Variants in CMC1 observed in about 807,000 individuals in gnomAD.
CMC1 encodes COX assembly mitochondrial protein homolog.
A neutral mutation model predicts 14.1 loss-of-function variants in CMC1; 14 were observed. The observed-to-expected ratio is 0.99, with a 90% CI of 0.66 to 1.55. The LOEUF is 1.55. CMC1 is among the 40% of genes most tolerant of loss of function. The pLI is 0.00. For missense variants in CMC1, 127 were observed against 123.8 expected (o/e 1.03, Z -0.12); for synonymous variants, 50 against 38.4 (o/e 1.30, Z -1.12).
chr3:28,300,874 T>C (rs893479601), intron 2 of CMC1, among the ~76,000 whole-genome samples: 3 of 151,608 alleles, frequency 2.0e-5, no homozygotes, highest in African/African-American at 7.3e-5. Flanking sequence ...TTATCAGTTT[T>C]CTTACATATT....
chr3:28,319,606 C>T lies in CMC1; in HGVS notation c.298C>T (p.Gln100Ter), dbSNP rs752588536. ...KTGIPTKKRL[Q>*]KLPTSM Reference sequence around the variant, plus strand: ...TGGAATTCCTACAAAGAAAAGGCTACAGAAGCTTCCAACAAGCATGTAGGC... The same window carrying T: ...TGGAATTCCTACAAAGAAAAGGCTATAGAAGCTTCCAACAAGCATGTAGGC... The change falls in exon 4 of 4, where the codon CAG becomes TAG. Residue 100 changes from glutamine to a stop codon, truncating the protein, a stop_gained. Coordinates refer to ENST00000466830, the MANE Select transcript of CMC1 (RefSeq NM_182523.2). LOFTEE classifies it high-confidence loss of function. The T allele has an allele frequency of 1.2e-6, 2 of 1,607,338 alleles. No individual in the cohort carries two copies. Among genetic ancestry groups the T allele is most frequent in the Non-Finnish European group, 8.5e-7 (1 of 1,176,598 alleles).
chr3:28,241,859 C>G, intron 1 of CMC1, 47 bp downstream of exon 1: 1 of 1,234,840 alleles, frequency 8.1e-7, no homozygotes, highest in Non-Finnish European at 1.0e-6. Context: ...CGCCCCGGGT[C>G]TCACGCCGCG....
rs1292902701 is a variant in CMC1, at chr3:28,320,274, C to T, written c.*645C>T. The T allele has an allele frequency of 1.3e-5, 2 of 151,464 alleles. No individual in the cohort carries two copies. Among genetic ancestry groups the T allele is most frequent in the Non-Finnish European group, 3.0e-5 (2 of 67,668 alleles). 9.4% of individuals were successfully genotyped at this position (151,464 alleles called of 1,614,324 possible). A position where few individuals can be genotyped will look rare whatever the true frequency, so the allele number is the denominator to read the frequency against. Reference sequence around the variant, plus strand: ...GTTGCTATGGGAGAATACCCAAGACCAGGTAATTTATAAGAAAAGTTTGTT... The same window carrying T: ...GTTGCTATGGGAGAATACCCAAGACTAGGTAATTTATAAGAAAAGTTTGTT... On this transcript the variant is annotated 3_prime_UTR_variant, in exon 4 of 4. Transcript: ENST00000466830.
At chr3:28,285,969 G>A (rs1701157542) in intron 2 of CMC1, among the ~76,000 whole-genome samples, 2 of 152,066 alleles carry the variant, frequency 1.3e-5, no homozygotes, top group South Asian at 4.1e-4. Context: ...GTTTCACTGT[G>A]TTAGCCAGAA....
At position 28,274,212 on chromosome 3, in the gene CMC1, G is replaced by GTTTTTTTTTTTTTTTT. The variant is rs376321066; in HGVS notation, c.109+10839_109+10840insTTTTTTTTTTTTTTTT. Among the ~76,000 whole-genome samples, 32 of 88,152 alleles carry GTTTTTTTTTTTTTTTT rather than the reference G, an allele frequency of 3.6e-4. 1 individual carries two copies. Among genetic ancestry groups the GTTTTTTTTTTTTTTTT allele is most frequent in the African/African-American group, 9.7e-4 (20 of 20,670 alleles). The allele number at this position is 88,152 out of a possible 152,430, so 57.8% of individuals were successfully genotyped here. A position where few individuals can be genotyped will look rare whatever the true frequency, so the allele number is the denominator to read the frequency against. On this transcript the variant is annotated intron_variant, in intron 2 of 3. Coordinates refer to ENST00000466830, the MANE Select transcript of CMC1 (RefSeq NM_182523.2). The stretch of plus-strand genomic sequence containing the variant: ...TTGGTCTTTGTACTAAAGTGTTTTT[G>GTTTTTTTTTTTTTTTT]TTTTTTTCTTTTTTTTTTTTTTTGC...
In CMC1 at chr3:28,320,453, A is replaced by G. The variant is rs988445492; in HGVS notation, c.*824A>G. 2.9e-4 allele frequency: 44 copies of G among 151,510 alleles called. No homozygotes were observed. The highest frequency in any genetic ancestry group is 1.1e-3 in the African/African-American group (44 of 41,350). 9.4% of individuals were successfully genotyped at this position (151,510 alleles called of 1,614,324 possible). ...CTCTTGAGAACTAATACCTGTAATA[A>G]TGGCATAAATCCATTCACGAGGGCT... On this transcript the variant is annotated 3_prime_UTR_variant, in exon 4 of 4. Transcript: ENST00000466830.
chr3:28,267,051 A>T (rs1700038631), intron 2 of CMC1, among the ~76,000 whole-genome samples: 1 of 152,128 alleles, frequency 6.6e-6, no homozygotes, highest in South Asian at 2.1e-4. Flanking sequence ...TTTTTCTTGG[A>T]TCTAGGAGTT....
At chr3:28,275,744 G>A (rs911073034) in intron 2 of CMC1, among the ~76,000 whole-genome samples, 10 of 152,222 alleles carry the variant, frequency 6.6e-5, no homozygotes, top group African/African-American at 1.4e-4. Context: ...TGAGGAGATC[G>A]TAGCCGCCCT....
At chr3:28,286,516 T>G (rs2125536093) in intron 2 of CMC1, among the ~76,000 whole-genome samples, 1 of 152,328 alleles carries the variant, frequency 6.6e-6, no homozygotes, top group Middle Eastern at 3.4e-3. Flanking sequence ...CTACTGAGAG[T>G]GTTAATATTC....
intron 2 of CMC1, among the ~76,000 whole-genome samples, chr3:28,289,951 A>T (rs1410007248): frequency 6.6e-6 from 1 of 152,116 alleles, no homozygotes; most frequent in Non-Finnish European, 1.5e-5. Context: ...AAAACAAAAG[A>T]TTTGCTAAAG....
chr3:28,274,020 A>C (rs1041002684), intron 2 of CMC1, among the ~76,000 whole-genome samples: 1 of 151,970 alleles, frequency 6.6e-6, no homozygotes, highest in African/African-American at 2.4e-5. Context: ...ACAGCACACT[A>C]ATGGGTCTTG....
At chr3:28,282,173 C>T (rs1700931886) in intron 2 of CMC1, among the ~76,000 whole-genome samples, 1 of 152,148 alleles carries the variant, frequency 6.6e-6, no homozygotes, top group South Asian at 2.1e-4. Context: ...CCACCAAATA[C>T]AAGACAAATT....
rs1703330632 is a variant in CMC1, at chr3:28,324,982, AT to A, written c.*5358del. On this transcript the variant is annotated 3_prime_UTR_variant, in exon 4 of 4. Transcript: ENST00000466830. ...AAGCAAATTTTTTAGAAATAATTGC[AT>A]TTTTAATTGGTGAGACCCAAATGAA... 1 of 150,966 alleles carries A rather than the reference AT, an allele frequency of 6.6e-6. No homozygotes were observed. Among genetic ancestry groups the A allele is most frequent in the Non-Finnish European group, 1.5e-5 (1 of 67,324 alleles). 9.4% of individuals were successfully genotyped at this position (150,966 alleles called of 1,614,324 possible). A position where few individuals can be genotyped will look rare whatever the true frequency, so the allele number is the denominator to read the frequency against.
chr3:28,302,563 A>G (rs371645244), intron 2 of CMC1, among the ~76,000 whole-genome samples: 1 of 152,336 alleles, frequency 6.6e-6, no homozygotes. Context: ...AGCACTTAAT[A>G]TCTGAAACAT....
intron 2 of CMC1, among the ~76,000 whole-genome samples, chr3:28,263,918 A>G (rs565710174): frequency 1.3e-5 from 2 of 152,274 alleles, no homozygotes; most frequent in East Asian, 1.9e-4. Flanking sequence ...CTACAAGTGT[A>G]TGTTTTCTTT....
At chr3:28,304,678 T>A (rs962288149) in intron 2 of CMC1, among the ~76,000 whole-genome samples, 3 of 152,214 alleles carry the variant, frequency 2.0e-5, no homozygotes, top group African/African-American at 7.2e-5. Flanking sequence ...TTAGTTTTTA[T>A]ATTTTAAAGT....
chr3:28,280,928 C>A (rs1383026684), intron 2 of CMC1, among the ~76,000 whole-genome samples: 2 of 152,190 alleles, frequency 1.3e-5, no homozygotes, highest in Non-Finnish European at 2.9e-5. Flanking sequence ...TGTTTTGGAA[C>A]ACAGCCATGC....
intron 1 of CMC1, 140 bp downstream of exon 1, chr3:28,241,952 C>A (rs760047703): frequency 8.2e-6 from 7 of 856,652 alleles, no homozygotes; most frequent in Non-Finnish European, 1.1e-5. Context: ...TCATACCCGG[C>A]GGCTGCTTCG....
intron 2 of CMC1, among the ~76,000 whole-genome samples, chr3:28,273,912 C>A (rs1577022335): frequency 6.6e-6 from 1 of 152,206 alleles, no homozygotes; most frequent in East Asian, 1.9e-4. Flanking sequence ...GATTGCAACT[C>A]CTGCATTTTT....
Sources: allele counts gnomAD v4.1 joint callset (sites outside exome capture counted in the v4.1 genomes callset), GRCh38; gene constraint gnomAD v4.1.1; transcripts MANE v1.5; gene names NCBI Gene and HGNC (gene_info 2026-07-23, HGNC 2026-07-21).